Variants in CSMD1 observed in about 807,000 individuals in gnomAD.
CSMD1 encodes the protein CUB and Sushi multiple domains 1, also known as CUB and sushi domain-containing protein 1.
A neutral mutation model predicts 417.5 loss-of-function variants in CSMD1; 213 were observed. The ratio of observed to expected loss-of-function variants is 0.51; its 90% CI spans 0.46 to 0.57. The LOEUF (loss-of-function observed/expected upper bound fraction) is 0.57. Ranked by LOEUF, CSMD1 falls within the 20% of genes least tolerant of loss-of-function variation. The pLI, the probability that CSMD1 is intolerant of heterozygous loss-of-function variation, is 0.00. For synonymous variants in CSMD1, 2,862 were observed against 1,736.8 expected (o/e 1.65, Z -16.11); for missense variants, 6,923 against 4,529.7 (o/e 1.53, Z -15.17).
At chr8:3,478,374 G>A (rs569834861) in intron 11 of CSMD1, among the ~76,000 whole-genome samples, 7 of 152,304 alleles carry the variant, frequency 4.6e-5, no homozygotes, top group Admixed American at 4.6e-4. Context: ...TTTACTGAGT[G>A]CAGCCCACAC....
rs77619020 is a variant in CSMD1, at chr8:3,946,376, C to A, written c.818+51527G>T. ...TTTTATCACGTATGTGCTGGCCTGT[C>A]TCTGGATTTTCTCGTCTATACCATT... On this transcript the variant is annotated intron_variant, in intron 5 of 69. Coordinates refer to ENST00000635120, the MANE Select transcript of CSMD1 (RefSeq NM_033225.6). Among the ~76,000 whole-genome samples the A allele has an allele frequency of 2.4e-3, 371 of 152,198 alleles. 4 individuals are homozygous for A. The highest frequency in any genetic ancestry group is 8.7e-3 in the African/African-American group (362 of 41,544).
At chr8:3,906,361 C>T (rs748151328) in intron 5 of CSMD1, among the ~76,000 whole-genome samples, 3 of 151,978 alleles carry the variant, frequency 2.0e-5, no homozygotes, top group African/African-American at 4.8e-5. Context: ...CCTGAGTCAC[C>T]TATAGTATGG....
intron 4 of CSMD1, among the ~76,000 whole-genome samples, chr8:4,011,701 G>C (rs1027085350): frequency 1.3e-5 from 2 of 152,088 alleles, no homozygotes; most frequent in African/African-American, 4.8e-5. Flanking sequence ...AAAGTCACAA[G>C]AACTTGCAAA....
At chr8:4,013,580 T>C (rs995500097) in intron 4 of CSMD1, among the ~76,000 whole-genome samples, 3 of 152,204 alleles carry the variant, frequency 2.0e-5, no homozygotes, top group African/African-American at 7.2e-5. Flanking sequence ...CAAACACTTA[T>C]TTCAACAGGA....
chr8:3,099,955 T>C (rs955612100), intron 46 of CSMD1, among the ~76,000 whole-genome samples: 1 of 152,238 alleles, frequency 6.6e-6, no homozygotes, highest in Non-Finnish European at 1.5e-5. Context: ...TCATTTTTCT[T>C]AAAATACTTA....
At position 3,387,645 on chromosome 8, in the gene CSMD1, G is replaced by A. The variant is rs764274583; in HGVS notation, c.2631C>T (p.Gly877=). ...TLESDSCLDP[G]IPVNGHRHGG... is the part of the protein sequence containing the mutation. ...CGTGGCGATGGCCGTTCACAGGGAT[G>A]CCCGGGTCCAGGCAGGAATCCGACT... The change falls in exon 18 of 70, where the codon GGC becomes GGT. Residue 877 remains glycine (G), a synonymous_variant. Coordinates refer to ENST00000635120, the MANE Select transcript of CSMD1 (RefSeq NM_033225.6). The A allele has an allele frequency of 6.2e-7, 1 of 1,600,730 alleles. No homozygotes were observed. The highest frequency in any genetic ancestry group is 8.5e-7 in the Non-Finnish European group (1 of 1,173,450).
chr8:4,819,138 C>T (rs1477680555), intron 1 of CSMD1, among the ~76,000 whole-genome samples: 3 of 152,192 alleles, frequency 2.0e-5, no homozygotes, highest in African/African-American at 7.2e-5. Flanking sequence ...GCAGCTCATG[C>T]GTCCTTCTGC....
chr8:3,967,524 G>A (rs909208987), intron 5 of CSMD1, among the ~76,000 whole-genome samples: 1 of 152,014 alleles, frequency 6.6e-6, no homozygotes, highest in Admixed American at 6.6e-5. Context: ...GAGAATTAAA[G>A]AGAACTGAAA....
chr8:4,111,432 A>AG (rs1220180527), intron 3 of CSMD1, among the ~76,000 whole-genome samples: 1 of 152,122 alleles, frequency 6.6e-6, no homozygotes, highest in African/African-American at 2.4e-5. Context: ...TATATTCCTT[A>AG]GGATATATAC....
intron 42 of CSMD1, among the ~76,000 whole-genome samples, chr8:3,117,587 C>T (rs1563060642): frequency 6.6e-6 from 1 of 152,106 alleles, no homozygotes; most frequent in Non-Finnish European, 1.5e-5. Flanking sequence ...AGTAAATTTT[C>T]TATTGCATAT....
intron 3 of CSMD1, among the ~76,000 whole-genome samples, chr8:4,094,947 TG>T (rs1370126611): frequency 6.6e-6 from 1 of 152,124 alleles, no homozygotes. Context: ...GAACTGGGAA[TG>T]GGGAGATAGT....
At chr8:4,760,737 T>C (rs986206534) in intron 1 of CSMD1, among the ~76,000 whole-genome samples, 1 of 152,142 alleles carries the variant, frequency 6.6e-6, no homozygotes, top group Non-Finnish European at 1.5e-5. Flanking sequence ...ATGATTAAGT[T>C]TGGGGAAAGT....
rs116232391 is a variant in CSMD1, at chr8:4,185,652, T to G, written c.416-153553A>C. ...AATAGCTAATGTAAAAAGTGACACA[T>G]TTTAACATAGTCACGTAAATGCCCA... On this transcript the variant is annotated intron_variant, in intron 3 of 69. Transcript: ENST00000635120. 9.0e-3 allele frequency among the ~76,000 whole-genome samples: 1,371 copies of G among 152,312 alleles called. 16 individuals carry two copies. Among genetic ancestry groups the G allele is most frequent in the African/African-American group, 0.031 (1,274 of 41,566 alleles).
At chr8:3,517,695 C>G (rs1051036262) in intron 10 of CSMD1, among the ~76,000 whole-genome samples, 1 of 152,082 alleles carries the variant, frequency 6.6e-6, no homozygotes, top group East Asian at 1.9e-4. Context: ...TAGACACAAA[C>G]GAATTCAGTC....
chr8:3,271,421 T>C (rs1392570655), intron 26 of CSMD1, among the ~76,000 whole-genome samples: 1 of 151,760 alleles, frequency 6.6e-6, no homozygotes, highest in Non-Finnish European at 1.5e-5. Context: ...CAGCATGATT[T>C]ATATTCCTTT....
intron 3 of CSMD1, among the ~76,000 whole-genome samples, chr8:4,302,971 T>C (rs900865066): frequency 6.6e-6 from 1 of 152,086 alleles, no homozygotes; most frequent in Non-Finnish European, 1.5e-5. Flanking sequence ...TGACCAGAAG[T>C]TCAGCCCTCT....
intron 2 of CSMD1, among the ~76,000 whole-genome samples, chr8:4,440,557 A>AGC (rs1490204901): frequency 9.8e-5 from 15 of 152,296 alleles, no homozygotes; most frequent in East Asian, 3.9e-4. Context: ...ATGCATATCT[A>AGC]TATGTAATTT....
intron 26 of CSMD1, among the ~76,000 whole-genome samples, chr8:3,260,637 A>G (rs1800993450): frequency 6.6e-6 from 1 of 151,886 alleles, no homozygotes; most frequent in Non-Finnish European, 1.5e-5. Context: ...GGAGAGAAAC[A>G]TTTTTGACAA....
At chr8:4,925,740 G>C in intron 1 of CSMD1, among the ~76,000 whole-genome samples, 1 of 152,044 alleles carries the variant, frequency 6.6e-6, no homozygotes, top group Middle Eastern at 3.4e-3. Context: ...GTAGAGACGG[G>C]GTTTCACCGT....
Sources: allele counts gnomAD v4.1 joint callset (sites outside exome capture counted in the v4.1 genomes callset), GRCh38; gene constraint gnomAD v4.1.1; transcripts MANE v1.5; gene names NCBI Gene and HGNC (gene_info 2026-07-23, HGNC 2026-07-21).